Variants in MYOF observed in about 807,000 individuals in gnomAD.
MYOF encodes the protein myoferlin, also known as fer-1-like 3, myoferlin.
MYOF carries 244 observed loss-of-function variants against 284.2 expected under a neutral mutation model. That is an observed-to-expected ratio of 0.86 (90% confidence interval 0.77 to 0.95). The LOEUF (loss-of-function observed/expected upper bound fraction) is 0.95, where lower values mean the gene tolerates loss of function less well. MYOF is among the 40% of genes least tolerant of loss of function. The probability of loss-of-function intolerance (pLI) is 0.00; values close to 1 mark genes in which losing one functional copy is unlikely to be tolerated. For missense variants in MYOF, 2,496 were observed against 2,560.6 expected, an observed-to-expected ratio of 0.97 and a Z score of 0.54; for synonymous variants, 904 against 919.7, an observed-to-expected ratio of 0.98 and a Z score of 0.31.
intron 3 of MYOF, among the ~76,000 whole-genome samples, chr10:93,444,107 A>C (rs765908181): frequency 3.2e-4 from 49 of 152,204 alleles, no homozygotes; most frequent in Non-Finnish European, 5.9e-4. Context: ...CCAAGTTGGA[A>C]CTAGGGTGCT....
intron 19 of MYOF, among the ~76,000 whole-genome samples, chr10:93,385,810 T>C (rs2134018700): frequency 6.6e-6 from 1 of 152,198 alleles, no homozygotes; most frequent in South Asian, 2.1e-4. Flanking sequence ...TTTTATTCTG[T>C]TGACATATAC....
Position 93,306,896 on chromosome 10 carries a change from A to ATGT in MYOF, c.*64_*66dup. ...GGTCTCAGACACAAAATCACACTGGATGTTGGTCTACAGAGGCAGGATTCT... is the reference window on the plus strand; with the variant it reads ...GGTCTCAGACACAAAATCACACTGGATGTTGTTGGTCTACAGAGGCAGGATTCT... On this transcript the variant is annotated 3_prime_UTR_variant, in exon 54 of 54. Coordinates refer to ENST00000359263, the MANE Select transcript of MYOF (RefSeq NM_013451.4). 6.7e-7 allele frequency: 1 copy of ATGT among 1,501,918 alleles called. No homozygotes were observed. The allele number at this position is 1,501,918 out of a possible 1,614,324, so 93.0% of individuals were successfully genotyped here.
chr10:93,313,846 A>G (rs1842496826), intron 50 of MYOF, among the ~76,000 whole-genome samples: 1 of 152,100 alleles, frequency 6.6e-6, no homozygotes, highest in Non-Finnish European at 1.5e-5. Context: ...GGTTGCAGTG[A>G]GCAGAGATCG....
In MYOF at chr10:93,404,068, A is replaced by G; in HGVS notation, c.798T>C (p.Tyr266=). 6.2e-7 allele frequency: 1 copy of G among 1,614,208 alleles called. No individual in the cohort carries two copies. The highest frequency in any genetic ancestry group is 2.2e-5 in the East Asian group (1 of 44,884). Residue 266 remains tyrosine, a synonymous_variant, in exon 9 of 54, where the codon TAT becomes TAC. Coordinates refer to ENST00000359263, the MANE Select transcript of MYOF (RefSeq NM_013451.4). The stretch of plus-strand genomic sequence containing the variant: ...AATCTGCCCGCAGAGAGTGAGAATT[A>G]TAAACCTGGAAGAAAGAAGAGTAGT... ...LMDEIISIRV[Y]NSHSLRADCL... is the part of the protein sequence containing the mutation.
chr10:93,475,563 G>C (rs754283134), intron 1 of MYOF, among the ~76,000 whole-genome samples: 1 of 152,180 alleles, frequency 6.6e-6, no homozygotes, highest in Non-Finnish European at 1.5e-5. Context: ...GTCTCTTTCA[G>C]GACTAAGCAT....
At chr10:93,357,806 C>T (rs1222042365) in intron 29 of MYOF, among the ~76,000 whole-genome samples, 3 of 152,160 alleles carry the variant, frequency 2.0e-5, no homozygotes, top group Admixed American at 6.5e-5. Context: ...CAGAAATACT[C>T]GTTAGAACTG....
Position 93,319,930 on chromosome 10 carries a change from C to T in MYOF, c.5540G>A (p.Arg1847Gln), listed in dbSNP as rs1202083218. ...AAGGTAGTCAAACGGGAAAACAAATCGCCAGTTAAAATTCCCTTCACCATC... is the reference window on the plus strand; with the variant it reads ...AAGGTAGTCAAACGGGAAAACAAATTGCCAGTTAAAATTCCCTTCACCATC... ...SLDGEGNFNW[R>Q]FVFPFDYLPA... The change falls in exon 49 of 54, where the codon CGA becomes CAA. Residue 1847 changes from arginine to glutamine, a missense_variant. Transcript: ENST00000359263. 4.3e-6 allele frequency: 7 copies of T among 1,614,148 alleles called. No individual in the cohort carries two copies. Among genetic ancestry groups the T allele is most frequent in the East Asian group, 2.2e-5 (1 of 44,886 alleles).
intron 43 of MYOF, among the ~76,000 whole-genome samples, chr10:93,331,654 C>A (rs960098584): frequency 2.0e-5 from 3 of 150,340 alleles, no homozygotes; most frequent in African/African-American, 7.3e-5. Flanking sequence ...AGGATTACTT[C>A]CATTCCCTGG....
At chr10:93,478,693 A>G (rs1275751010) in intron 1 of MYOF, among the ~76,000 whole-genome samples, 1 of 151,520 alleles carries the variant, frequency 6.6e-6, no homozygotes, top group African/African-American at 2.4e-5. Context: ...TTAGCTGGGC[A>G]TGGTGGTGTG....
chr10:93,447,423 T>A (rs772274890), intron 3 of MYOF, among the ~76,000 whole-genome samples: 2 of 152,212 alleles, frequency 1.3e-5, no homozygotes, highest in Non-Finnish European at 1.5e-5. Context: ...GCTCGGTGGA[T>A]GGCACCTAAA....
intron 41 of MYOF, among the ~76,000 whole-genome samples, chr10:93,334,399 G>C (rs1373350069): frequency 6.6e-6 from 1 of 151,816 alleles, no homozygotes; most frequent in East Asian, 1.9e-4. Context: ...TCCTGGGCTT[G>C]GTATGTCCTC....
rs139276235 is a variant in MYOF at position 93,339,204 on chromosome 10, G to A, written c.4338+949C>T. ...CTTTTTGTATTTTTAGTAGAGATGGGGTTTCACCATATTGGCCAGGCTGGT... is the reference window on the plus strand; with the variant it reads ...CTTTTTGTATTTTTAGTAGAGATGGAGTTTCACCATATTGGCCAGGCTGGT... On this transcript the variant is annotated intron_variant, in intron 39 of 53. Transcript: ENST00000359263. Among the ~76,000 whole-genome samples the A allele has an allele frequency of 4.7e-3, 719 of 151,976 alleles. 7 individuals are homozygous for A. Among genetic ancestry groups the A allele is most frequent in the African/African-American group, 0.016 (673 of 41,456 alleles).
chr10:93,399,647 G>C (rs1241314822), intron 12 of MYOF, 152 bp from the exon 13 acceptor site: 1 of 598,738 alleles, frequency 1.7e-6, no homozygotes, highest in Non-Finnish European at 2.9e-6. Flanking sequence ...GCCAAGGCTG[G>C]TGGATCATGA....
chr10:93,410,759 C>T (rs915072387), intron 5 of MYOF, among the ~76,000 whole-genome samples: 8 of 152,180 alleles, frequency 5.3e-5, no homozygotes, highest in African/African-American at 1.7e-4. Flanking sequence ...GTCTAGAACC[C>T]TGCTTTTGGA....
At chr10:93,313,301 G>T in intron 50 of MYOF, 91 bp from the exon 51 acceptor site, 1 of 1,226,870 alleles carries the variant, frequency 8.2e-7, no homozygotes, top group East Asian at 2.4e-5. Context: ...CAGGAGAGAG[G>T]CACACAGTGA....
At chr10:93,369,277 A>G (rs891135697) in intron 25 of MYOF, among the ~76,000 whole-genome samples, 2 of 87,508 alleles carry the variant, frequency 2.3e-5, no homozygotes, top group African/African-American at 9.5e-5. Context: ...GTGTGTGTGT[A>G]TACTCTACTT....
rs752255076 is a variant in MYOF, at chr10:93,351,807, G to A, written c.3521C>T (p.Thr1174Ile). Residue 1174 changes from threonine to isoleucine, a missense_variant, in exon 33 of 54, where the codon ACC becomes ATC. Coordinates refer to ENST00000359263, the MANE Select transcript of MYOF (RefSeq NM_013451.4). ...AHICFLHRSK[T>I]TEIIHSTLNP... ...CAGGGTTGAATGGATGATCTCAGTG[G>A]TTTTGCTCCGATGGAGGAAACAGAT... The A allele has an allele frequency of 1.3e-6, 2 of 1,588,084 alleles. No individual in the cohort carries two copies. The highest frequency in any genetic ancestry group is 4.5e-5 in the East Asian group (2 of 44,806).
intron 16 of MYOF, among the ~76,000 whole-genome samples, chr10:93,394,524 G>T (rs1328383896): frequency 3.0e-4 from 38 of 127,178 alleles, no homozygotes; most frequent in Non-Finnish European, 5.5e-4. Context: ...GCAGTGGCGC[G>T]ATCTCGGCTC....
At chr10:93,338,000 GA>G in intron 39 of MYOF, 87 bp from the exon 40 acceptor site, 1 of 959,016 alleles carries the variant, frequency 1.0e-6, no homozygotes, top group East Asian at 2.4e-5. Flanking sequence ...TAGTTAAGAA[GA>G]AATAGGTTCT....
Sources: allele counts gnomAD v4.1 joint callset (sites outside exome capture counted in the v4.1 genomes callset), GRCh38; gene constraint gnomAD v4.1.1; transcripts MANE v1.5; gene names NCBI Gene and HGNC (gene_info 2026-07-23, HGNC 2026-07-21).